TPTE2: variants seen among roughly 807,000 people sequenced by gnomAD.
The protein encoded by TPTE2 is transmembrane phosphoinositide 3-phosphatase and tensin homolog 2.
A neutral mutation model predicts 78.6 loss-of-function variants in TPTE2; 53 were observed. That is an observed-to-expected ratio of 0.67 (90% CI 0.54 to 0.85). The LOEUF (loss-of-function observed/expected upper bound fraction) is 0.85, where lower values mean the gene tolerates loss of function less well. Among genes scored for constraint, TPTE2 ranks in the 40% least tolerant of loss-of-function variants. The probability of loss-of-function intolerance (pLI) is 0.00; values close to 1 mark genes in which losing one functional copy is unlikely to be tolerated. For synonymous variants in TPTE2, 175 were observed against 206.2 expected, an observed-to-expected ratio of 0.85 and a Z score of 1.30; for missense variants, 461 against 623.0, an observed-to-expected ratio of 0.74 and a Z score of 2.77.
At chr13:19,453,565 A>ATATATATATATATATATG (rs1878340646) in intron 10 of TPTE2, among the ~76,000 whole-genome samples, 2 of 139,258 alleles carry the variant, frequency 1.4e-5, no homozygotes, top group African/African-American at 5.2e-5. Flanking sequence ...ATATATATAT[A>ATATATATATATATATATG]GCAACTCACC....
At chr13:19,487,258 T>C (rs1204862697) in intron 3 of TPTE2, among the ~76,000 whole-genome samples, 1 of 152,046 alleles carries the variant, frequency 6.6e-6, no homozygotes, top group Non-Finnish European at 1.5e-5. Context: ...ACACAGCTGC[T>C]TGTCTCTCAG....
intron 1 of TPTE2, among the ~76,000 whole-genome samples, chr13:19,529,254 A>G: frequency 6.6e-6 from 1 of 152,160 alleles, no homozygotes; most frequent in Admixed American, 6.5e-5. Flanking sequence ...AGCCCCTCTC[A>G]TTGTCTGGGC....
chr13:19,433,198 T>A (rs1012880371), intron 15 of TPTE2, among the ~76,000 whole-genome samples: 4 of 152,020 alleles, frequency 2.6e-5, no homozygotes, highest in African/African-American at 4.8e-5. Context: ...TGGTACTCAA[T>A]CAACTGGTTC....
At chr13:19,454,710 C>A (rs1169994854) in intron 10 of TPTE2, among the ~76,000 whole-genome samples, 1 of 151,968 alleles carries the variant, frequency 6.6e-6, no homozygotes, top group African/African-American at 2.4e-5. Context: ...TGATAGAAAC[C>A]AAGAGTCTAG....
chr13:19,466,158 C>T (rs1474452672), intron 7 of TPTE2, among the ~76,000 whole-genome samples: 2 of 152,148 alleles, frequency 1.3e-5, no homozygotes, highest in African/African-American at 4.8e-5. Flanking sequence ...TGGACTAGTG[C>T]TTCTCTGATT....
the TPTE2 span, among the ~76,000 whole-genome samples, chr13:19,543,517 G>A: frequency 1.4e-4 from 21 of 150,736 alleles, no homozygotes; most frequent in Admixed American, 4.6e-4. Flanking sequence ...CCAGCCCTCC[G>A]GCTAATTTTT....
rs199994745 is a variant in TPTE2, at chr13:19,489,777, G to GA, written c.119+3072_119+3073insT. ...ATGTGTGTTATATGTGTGTGTGTGTGTAGATCCTTTAGCACTGACTCAAAT... is the reference window on the plus strand; with the variant it reads ...ATGTGTGTTATATGTGTGTGTGTGTGATAGATCCTTTAGCACTGACTCAAAT... On this transcript the variant is annotated intron_variant, in intron 3 of 19. Transcript: ENST00000400230. Among the ~76,000 whole-genome samples, 20 of 4,712 alleles carry GA rather than the reference G, an allele frequency of 4.2e-3. 1 individual carries two copies. Among genetic ancestry groups the GA allele is most frequent in the Non-Finnish European group, 0.026 (9 of 340 alleles). 3.1% of individuals were successfully genotyped at this position (4,712 alleles called of 152,430 possible).
chr13:19,541,229 G>A (rs34159254), upstream of TPTE2, among the ~76,000 whole-genome samples: 4 of 152,172 alleles, frequency 2.6e-5, no homozygotes, highest in Non-Finnish European at 5.9e-5. Flanking sequence ...ACTCTAGTCC[G>A]CTAACAAGCA....
chr13:19,548,313 A>G, the TPTE2 span, among the ~76,000 whole-genome samples: 1 of 148,778 alleles, frequency 6.7e-6, no homozygotes, highest in East Asian at 2.0e-4. Context: ...CCAGGCCATA[A>G]TCTCATCTAA....
intron 1 of TPTE2, among the ~76,000 whole-genome samples, chr13:19,494,287 G>A (rs1413496169): frequency 1.3e-5 from 2 of 152,300 alleles, no homozygotes; most frequent in East Asian, 1.9e-4. Context: ...ACAGTGAGAT[G>A]ATAAAGAACC....
At chr13:19,469,615 A>G (rs1356594449) in intron 6 of TPTE2, among the ~76,000 whole-genome samples, 1 of 152,200 alleles carries the variant, frequency 6.6e-6, no homozygotes, top group African/African-American at 2.4e-5. Flanking sequence ...TGCTTTGGAT[A>G]GTATGGACAT....
the TPTE2 span, among the ~76,000 whole-genome samples, chr13:19,559,613 C>T: frequency 1.3e-5 from 2 of 151,568 alleles, no homozygotes; most frequent in African/African-American, 4.8e-5. Context: ...CCAAGTCCCA[C>T]TCTGCTCTGA....
At chr13:19,503,699 AG>A (rs1043051946), upstream of TPTE2, among the ~76,000 whole-genome samples, 1 of 152,144 alleles carries the variant, frequency 6.6e-6, no homozygotes, top group Non-Finnish European at 1.5e-5. Context: ...TGCAGGTCTG[AG>A]TCAAGGACAC....
chr13:19,423,222 G>A (rs1402065565), intron 19 of TPTE2, 58 bp from the exon 23 acceptor site: 4 of 1,368,458 alleles, frequency 2.9e-6, no homozygotes, highest in Non-Finnish European at 4.0e-6. Context: ...AAGCCACGCA[G>A]TTGGGTACCC....
intron 10 of TPTE2, chr13:19,458,556 T>C: frequency 2.5e-6 from 1 of 406,570 alleles, no homozygotes. Flanking sequence ...ATGCCTTTGT[T>C]CTTATCAGTC....
At chr13:19,529,485 C>T (rs940044782) in intron 1 of TPTE2, among the ~76,000 whole-genome samples, 1 of 152,194 alleles carries the variant, frequency 6.6e-6, no homozygotes, top group African/African-American at 2.4e-5. Context: ...ATTTAAATCT[C>T]TTGATTTTAC....
intron 10 of TPTE2, among the ~76,000 whole-genome samples, chr13:19,452,224 C>T (rs758364966): frequency 1.5e-4 from 23 of 151,998 alleles, no homozygotes; most frequent in Middle Eastern, 3.4e-3. Context: ...AAAATCCACA[C>T]GGGTTTAGAA....
chr13:19,439,645 A>T (rs528733590), intron 13 of TPTE2, among the ~76,000 whole-genome samples: 12 of 152,218 alleles, frequency 7.9e-5, no homozygotes, highest in African/African-American at 9.6e-5. Flanking sequence ...ACAATAAACA[A>T]TTCAAAGCTT....
chr13:19,561,354 A>C, the TPTE2 span: 1 of 554,138 alleles, frequency 1.8e-6, no homozygotes, highest in South Asian at 3.3e-5. Flanking sequence ...ACCGGCCTGC[A>C]GGTCCACTCT....
Sources: allele counts gnomAD v4.1 joint callset (sites outside exome capture counted in the v4.1 genomes callset), GRCh38; gene constraint gnomAD v4.1.1; transcripts MANE v1.5; gene names NCBI Gene and HGNC (gene_info 2026-07-23, HGNC 2026-07-21).